The following SLC9A9 variants were observed in gnomAD, a reference collection of about 807,000 sequenced individuals.
SLC9A9 encodes sodium/hydrogen exchanger 9.
Under a neutral mutation model 77.8 loss-of-function variants are expected in SLC9A9, and 62 were observed. The ratio of observed to expected loss-of-function variants is 0.80; its 90% confidence interval spans 0.65 to 0.98. The LOEUF is 0.98. SLC9A9 is among the 50% of genes least tolerant of loss of function. The pLI, the probability that SLC9A9 is intolerant of heterozygous loss-of-function variation, is 0.00. For synonymous variants in SLC9A9, 320 were observed against 283.5 expected, an observed-to-expected ratio of 1.13 and a Z score of -1.29; for missense variants, 775 against 774.9, an observed-to-expected ratio of 1.00 and a Z score of 0.00.
chr3:143,552,612 A>T (rs1476467134), intron 8 of SLC9A9, among the ~76,000 whole-genome samples, 162 bp from the exon 9 acceptor site: 3 of 152,218 alleles, frequency 2.0e-5, no homozygotes, highest in Non-Finnish European at 2.9e-5. Flanking sequence ...ACTTGCTTTA[A>T]ACAGGGTTTA....
Position 143,497,181 on chromosome 3 carries a change from G to A in SLC9A9, c.1090-1733C>T, listed in dbSNP as rs137931824. ...AGTTTTTTAACATCAATAAACAAAT[G>A]TCAAGGTTAAATTTGTAGTGCCTCT... is the stretch of plus-strand genomic sequence containing the variant. On this transcript the variant is annotated intron_variant, in intron 9 of 15. Transcript: ENST00000316549. Among the ~76,000 whole-genome samples, 67 of 152,282 alleles carry A rather than the reference G, an allele frequency of 4.4e-4. No individual in the cohort carries two copies. In the East Asian group the frequency reaches 0.013, roughly 29 times the overall value.
chr3:143,403,549 C>A (rs969536172), intron 12 of SLC9A9, among the ~76,000 whole-genome samples: 6 of 151,782 alleles, frequency 4.0e-5, no homozygotes, highest in Non-Finnish European at 5.9e-5. Context: ...ATGCTAACAA[C>A]AAATTCAGTC....
intron 3 of SLC9A9, among the ~76,000 whole-genome samples, chr3:143,795,836 C>G (rs1466641780): frequency 6.6e-6 from 1 of 152,186 alleles, no homozygotes; most frequent in Non-Finnish European, 1.5e-5. Context: ...GGAAGGGTTA[C>G]CTGAACAAAT....
intron 12 of SLC9A9, among the ~76,000 whole-genome samples, chr3:143,397,438 T>C (rs936775300): frequency 6.6e-6 from 1 of 152,208 alleles, no homozygotes; most frequent in Non-Finnish European, 1.5e-5. Context: ...GAAGTAGTTG[T>C]AGGAGCTTTA....
chr3:143,641,378 TCA>T (rs1358938718), intron 6 of SLC9A9, among the ~76,000 whole-genome samples: 2 of 146,372 alleles, frequency 1.4e-5, no homozygotes, highest in African/African-American at 2.6e-5. Flanking sequence ...TTATCTGTTG[TCA>T]CAGTCTTTTT....
intron 5 of SLC9A9, among the ~76,000 whole-genome samples, chr3:143,659,161 T>C (rs1488344221): frequency 6.6e-6 from 1 of 152,010 alleles, no homozygotes; most frequent in Non-Finnish European, 1.5e-5. Flanking sequence ...TTTTTAAAAA[T>C]GAAAATGGTG....
intron 12 of SLC9A9, among the ~76,000 whole-genome samples, chr3:143,424,427 A>G (rs986064259): frequency 6.6e-6 from 1 of 151,866 alleles, no homozygotes; most frequent in African/African-American, 2.4e-5. Flanking sequence ...ACAGGCGCCC[A>G]CCACCACACC....
chr3:143,792,518 T>C (rs142161920), intron 4 of SLC9A9, among the ~76,000 whole-genome samples: 1 of 152,304 alleles, frequency 6.6e-6, no homozygotes, highest in East Asian at 1.9e-4. Flanking sequence ...CCACAATTCC[T>C]ATCCCATTTG....
At chr3:143,709,848 C>T (rs1022912912) in intron 4 of SLC9A9, among the ~76,000 whole-genome samples, 6 of 152,032 alleles carry the variant, frequency 3.9e-5, no homozygotes, top group Admixed American at 6.6e-5. Context: ...AATTAACAGA[C>T]CTCCATTATT....
chr3:143,530,656 AAC>A (rs1491041711), intron 9 of SLC9A9, among the ~76,000 whole-genome samples: 2 of 137,928 alleles, frequency 1.5e-5, no homozygotes, highest in African/African-American at 5.1e-5. Flanking sequence ...AACAAAACAA[AAC>A]AAACAAACAA....
At chr3:143,379,660 A>G (rs149614078) in intron 13 of SLC9A9, among the ~76,000 whole-genome samples, 3,048 of 152,312 alleles carry the variant, frequency 0.02, 36 homozygotes, top group South Asian at 0.071. Flanking sequence ...CAAGTGAGAA[A>G]TGTCTTTAAA....
intron 8 of SLC9A9, among the ~76,000 whole-genome samples, chr3:143,561,461 G>T (rs557387694): frequency 0.019 from 2,941 of 152,196 alleles, 92 homozygotes; most frequent in African/African-American, 0.068. Context: ...AAATGAAAAA[G>T]TAGCCAAAAA....
chr3:143,477,921 C>T (rs1576524155), intron 11 of SLC9A9, among the ~76,000 whole-genome samples: 1 of 152,310 alleles, frequency 6.6e-6, no homozygotes, highest in Non-Finnish European at 1.5e-5. Context: ...GGCAAAGGGT[C>T]AATCCCAGGC....
rs540420944 is a variant in SLC9A9, at chr3:143,497,039, TATC to T, written c.1090-1594_1090-1592del. Reference sequence around the variant, plus strand: ...CTAATCCAATTTCTAAGGGTTCTATTATCATGATCTAACTCCCTCACAAGGGCC... The same window carrying T: ...CTAATCCAATTTCTAAGGGTTCTATTATGATCTAACTCCCTCACAAGGGCC... On this transcript the variant is annotated intron_variant, in intron 9 of 15. Transcript: ENST00000316549. 2.0e-4 allele frequency among the ~76,000 whole-genome samples: 30 copies of T among 152,310 alleles called. No homozygotes were observed. The East Asian group carries it at 3.1e-3, about 16-fold the overall frequency.
chr3:143,641,385 CT>C (rs529425639), intron 6 of SLC9A9, among the ~76,000 whole-genome samples: 1,548 of 78,578 alleles, frequency 0.02, 7 homozygotes, highest in African/African-American at 0.052. Flanking sequence ...TTGTCACAGT[CT>C]TTTTTTTTTT....
chr3:143,606,740 G>C (rs1158096397), intron 6 of SLC9A9, among the ~76,000 whole-genome samples: 1 of 151,732 alleles, frequency 6.6e-6, no homozygotes, highest in Non-Finnish European at 1.5e-5. Flanking sequence ...AACAGGATCT[G>C]AGGGAATCAT....
intron 11 of SLC9A9, among the ~76,000 whole-genome samples, chr3:143,474,320 G>A (rs2035429981): frequency 6.6e-6 from 1 of 152,104 alleles, no homozygotes; most frequent in Non-Finnish European, 1.5e-5. Context: ...ATTTTATTTT[G>A]AGATAGTAAA....
At chr3:143,653,928 T>C (rs1331075570) in intron 5 of SLC9A9, among the ~76,000 whole-genome samples, 1 of 152,188 alleles carries the variant, frequency 6.6e-6, no homozygotes, top group African/African-American at 2.4e-5. Flanking sequence ...AGTAAGCCTT[T>C]AATGAGTGAA....
intron 14 of SLC9A9, among the ~76,000 whole-genome samples, chr3:143,350,366 G>A (rs913092343): frequency 6.6e-5 from 10 of 152,138 alleles, no homozygotes; most frequent in African/African-American, 2.4e-4. Context: ...ACAAGACTAT[G>A]TCACTCTTAT....
Sources: allele counts gnomAD v4.1 joint callset (sites outside exome capture counted in the v4.1 genomes callset), GRCh38; gene constraint gnomAD v4.1.1; transcripts MANE v1.5; gene names NCBI Gene and HGNC (gene_info 2026-07-23, HGNC 2026-07-21).